Variants in EYS observed in about 807,000 individuals in gnomAD.
The protein encoded by EYS is protein eyes shut homolog.
Under a neutral mutation model 282.1 loss-of-function variants are expected in EYS, and 250 were observed. The ratio of observed to expected loss-of-function variants is 0.89; its 90% CI spans 0.80 to 0.98. EYS has a LOEUF of 0.98. Among genes scored for constraint, EYS ranks in the 50% least tolerant of loss-of-function variants. The probability of loss-of-function intolerance (pLI) is 0.00; values close to 1 mark genes in which losing one functional copy is unlikely to be tolerated. For missense variants in EYS, 4,016 were observed against 3,709.0 expected, an observed-to-expected ratio of 1.08 and a Z score of -2.15; for synonymous variants, 1,355 against 1,282.9, an observed-to-expected ratio of 1.06 and a Z score of -1.20.
intron 13 of EYS, among the ~76,000 whole-genome samples, chr6:65,003,113 G>A (rs939850809): frequency 2.0e-5 from 3 of 147,708 alleles, no homozygotes; most frequent in African/African-American, 2.4e-5. Context: ...AACTCTGACC[G>A]CCGGTGAGCT....
At chr6:64,357,339 T>G (rs1157989045) in intron 29 of EYS, among the ~76,000 whole-genome samples, 1 of 151,648 alleles carries the variant, frequency 6.6e-6, no homozygotes, top group Non-Finnish European at 1.5e-5. Flanking sequence ...TTATTTCCAC[T>G]TTAAGAAACC....
At chr6:64,494,828 T>C (rs1483202080) in intron 26 of EYS, among the ~76,000 whole-genome samples, 1 of 151,734 alleles carries the variant, frequency 6.6e-6, no homozygotes, top group Non-Finnish European at 1.5e-5. Flanking sequence ...GTTATAAGCA[T>C]CAAATATGAT....
At chr6:65,331,579 A>T (rs760580652) in intron 11 of EYS, 3 of 971,432 alleles carry the variant, frequency 3.1e-6, no homozygotes, top group African/African-American at 1.8e-5. Context: ...AATTACAAAA[A>T]TTTTGTAATT....
chr6:65,429,582 G>A (rs1239006542), intron 5 of EYS, among the ~76,000 whole-genome samples: 2 of 152,008 alleles, frequency 1.3e-5, no homozygotes, highest in African/African-American at 4.8e-5. Flanking sequence ...TTACTTCATT[G>A]GTTCCAAACC....
At position 64,902,218 on chromosome 6, in the gene EYS, C is replaced by T. The variant is rs1767689831; in HGVS notation, c.2741G>A (p.Cys914Tyr). ...TCCAGAAAACCCAGGTCTGCAAATA[C>T]ACCTTTTAAACAAAAAATTTAGTAA... is the stretch of plus-strand genomic sequence containing the variant. ...DCEDMVNNFR[C>Y]ICRPGFSGSL... Residue 914 changes from cysteine to tyrosine, a missense_variant and splice_region_variant, in exon 18 of 43, where the codon TGT becomes TAT. Transcript: ENST00000503581. The T allele has an allele frequency of 1.3e-6, 2 of 1,548,926 alleles. No individual in the cohort carries two copies. The highest frequency in any genetic ancestry group is 2.4e-5 in the East Asian group (1 of 40,842).
At chr6:65,440,759 A>T (rs1768283197) in intron 5 of EYS, among the ~76,000 whole-genome samples, 1 of 150,616 alleles carries the variant, frequency 6.6e-6, no homozygotes, top group Admixed American at 6.7e-5. Context: ...TATGGCTAAT[A>T]ACATTAATTT....
At chr6:65,706,767 C>A (rs1327509170) in intron 1 of EYS, among the ~76,000 whole-genome samples, 1 of 152,044 alleles carries the variant, frequency 6.6e-6, no homozygotes, top group South Asian at 2.1e-4. Flanking sequence ...TTTCATGGCC[C>A]TATGTATATG....
At chr6:64,952,883 T>C (rs1331245033) in intron 14 of EYS, among the ~76,000 whole-genome samples, 1 of 151,974 alleles carries the variant, frequency 6.6e-6, no homozygotes, top group East Asian at 1.9e-4. Context: ...TGTTCAACAA[T>C]TATCATCAAT....
intron 30 of EYS, among the ~76,000 whole-genome samples, chr6:64,293,499 G>C (rs1222117431): frequency 6.6e-6 from 1 of 151,928 alleles, no homozygotes; most frequent in Non-Finnish European, 1.5e-5. Context: ...ATTCCTTCAG[G>C]AATAGTAATT....
intron 36 of EYS, among the ~76,000 whole-genome samples, chr6:63,851,825 C>A (rs1189706435): frequency 1.3e-5 from 2 of 151,906 alleles, no homozygotes; most frequent in African/African-American, 2.4e-5. Flanking sequence ...AAGATCAGAG[C>A]AGAACTGAAG....
intron 22 of EYS, among the ~76,000 whole-genome samples, chr6:64,689,196 AATC>A (rs1320991920): frequency 6.6e-6 from 1 of 152,184 alleles, no homozygotes; most frequent in Non-Finnish European, 1.5e-5. Flanking sequence ...CAGAGAGCCA[AATC>A]ATGAGTGAAC....
intron 22 of EYS, among the ~76,000 whole-genome samples, chr6:64,811,185 T>C (rs1281592839): frequency 2.0e-5 from 3 of 152,148 alleles, no homozygotes; most frequent in South Asian, 2.1e-4. Context: ...TGACTTCTCA[T>C]AGTGTAGCGT....
At chr6:64,796,563 A>G (rs2150004537) in intron 22 of EYS, among the ~76,000 whole-genome samples, 2 of 152,256 alleles carry the variant, frequency 1.3e-5, no homozygotes, top group Middle Eastern at 6.8e-3. Flanking sequence ...AATAATGGAC[A>G]CCTGCTTCTA....
rs891669490 is a variant in EYS, at chr6:64,153,743, A to G, written c.6425-71741T>C. 4.6e-5 allele frequency among the ~76,000 whole-genome samples: 7 copies of G among 152,338 alleles called. No individual in the cohort carries two copies. In the East Asian group the frequency reaches 1.3e-3, roughly 29 times the overall value. ...TATGAAGAGCAATTTGGAATTATCTAATATAGTCAAAGATGTGGATACCCT... is the reference window on the plus strand; with the variant it reads ...TATGAAGAGCAATTTGGAATTATCTGATATAGTCAAAGATGTGGATACCCT... On this transcript the variant is annotated intron_variant, in intron 31 of 42. Transcript: ENST00000503581.
intron 22 of EYS, among the ~76,000 whole-genome samples, chr6:64,754,018 T>C (rs1772849548): frequency 6.6e-6 from 1 of 152,062 alleles, no homozygotes; most frequent in Non-Finnish European, 1.5e-5. Flanking sequence ...GGGTACATGA[T>C]GAAATTAATT....
chr6:64,046,478 A>T (rs555489693), intron 33 of EYS, among the ~76,000 whole-genome samples: 1 of 152,074 alleles, frequency 6.6e-6, no homozygotes, highest in South Asian at 2.1e-4. Flanking sequence ...GCTTGTGCCT[A>T]CCATCTTCTA....
In EYS at chr6:64,463,462, G is replaced by A. The variant is rs561546144; in HGVS notation, c.5645-24110C>T. The stretch of plus-strand genomic sequence containing the variant: ...TACAAATATTAGTTAAGCCTTTGCT[G>A]CCTTCAGGCTGATCCTTACATTCTA... On this transcript the variant is annotated intron_variant, in intron 26 of 42. Transcript: ENST00000503581. Among the ~76,000 whole-genome samples, 80 of 152,294 alleles carry A rather than the reference G, an allele frequency of 5.3e-4. 1 individual carries two copies. The highest frequency in any genetic ancestry group is 1.8e-3 in the African/African-American group (73 of 41,556).
chr6:65,297,167 T>G (rs1223582942), intron 11 of EYS, among the ~76,000 whole-genome samples: 1 of 151,546 alleles, frequency 6.6e-6, no homozygotes, highest in Non-Finnish European at 1.5e-5. Flanking sequence ...TTTGAATATT[T>G]TATATACATA....
At chr6:65,287,325 A>T (rs1361529985) in intron 12 of EYS, among the ~76,000 whole-genome samples, 1 of 151,480 alleles carries the variant, frequency 6.6e-6, no homozygotes, top group Non-Finnish European at 1.5e-5. Context: ...ACTTCATGTT[A>T]TGATGAATAT....
Sources: allele counts gnomAD v4.1 joint callset (sites outside exome capture counted in the v4.1 genomes callset), GRCh38; gene constraint gnomAD v4.1.1; transcripts MANE v1.5; gene names NCBI Gene and HGNC (gene_info 2026-07-23, HGNC 2026-07-21).